NIBAN2: variants seen among roughly 807,000 people sequenced by gnomAD.
The protein encoded by NIBAN2 is protein Niban 2.
Under a neutral mutation model 81.8 loss-of-function variants are expected in NIBAN2, and 36 were observed. That is an observed-to-expected ratio of 0.44 (90% CI 0.34 to 0.58). The LOEUF is 0.58. Among genes scored for constraint, NIBAN2 ranks in the 20% least tolerant of loss-of-function variants. The pLI is 0.02. For missense variants in NIBAN2, 897 were observed against 1,014.1 expected, an observed-to-expected ratio of 0.88 and a Z score of 1.57; for synonymous variants, 445 against 441.6, an observed-to-expected ratio of 1.01 and a Z score of -0.10.
chr9:127,552,780 C>T (rs1837602732), intron 1 of NIBAN2, among the ~76,000 whole-genome samples: 1 of 149,152 alleles, frequency 6.7e-6, no homozygotes, highest in African/African-American at 2.5e-5. Context: ...CCTCTGCCTC[C>T]TGGGTTCAAG....
intron 1 of NIBAN2, among the ~76,000 whole-genome samples, chr9:127,555,707 C>T (rs539414168): frequency 6.6e-6 from 1 of 152,350 alleles, no homozygotes; most frequent in South Asian, 2.1e-4. Context: ...GTGTTTCCTC[C>T]TCTGTGACAG....
At chr9:127,549,471 CCACA>C (rs2132219286) in intron 1 of NIBAN2, among the ~76,000 whole-genome samples, 1 of 152,316 alleles carries the variant, frequency 6.6e-6, no homozygotes, top group South Asian at 2.1e-4. Flanking sequence ...ATGTGCATGC[CCACA>C]CACATGTACA....
intron 1 of NIBAN2, among the ~76,000 whole-genome samples, chr9:127,550,353 A>T (rs1837554166): frequency 6.6e-6 from 1 of 152,236 alleles, no homozygotes; most frequent in Non-Finnish European, 1.5e-5. Flanking sequence ...CCTAACTGCC[A>T]GCCTAGGGTG....
Position 127,577,854 on chromosome 9 carries a change from T to C in NIBAN2, c.16+1068A>G, listed in dbSNP as rs556809749. Among the ~76,000 whole-genome samples the C allele has an allele frequency of 5.3e-5, 8 of 152,102 alleles. No homozygotes were observed. In the South Asian group the frequency reaches 1.7e-3, roughly 32 times the overall value. On this transcript the variant is annotated intron_variant, in intron 1 of 13. Coordinates refer to the NIBAN2 transcript ENST00000373314. ...ACCCAGCCTCCTGAGTAGCTGGGACTACAGGCATGCACCACTACACCTGGC... is the reference window on the plus strand; with the variant it reads ...ACCCAGCCTCCTGAGTAGCTGGGACCACAGGCATGCACCACTACACCTGGC...
intron 3 of NIBAN2, among the ~76,000 whole-genome samples, chr9:127,526,167 C>T (rs1215791382): frequency 4.6e-5 from 7 of 151,846 alleles, no homozygotes; most frequent in Non-Finnish European, 1.0e-4. Flanking sequence ...TTTGGGAGGC[C>T]GAGGTGGGCA....
upstream of NIBAN2, among the ~76,000 whole-genome samples, chr9:127,570,291 G>A (rs533933206): frequency 1.1e-4 from 17 of 152,302 alleles, no homozygotes; most frequent in African/African-American, 4.1e-4. Context: ...TTAAAGTGAT[G>A]CAGGCATTCA....
intron 5 of NIBAN2, among the ~76,000 whole-genome samples, chr9:127,519,672 A>T (rs1161376205): frequency 2.0e-5 from 3 of 152,188 alleles, no homozygotes; most frequent in Non-Finnish European, 4.4e-5. Flanking sequence ...AGCTGCCTGG[A>T]TGGGGACGGG....
intron 1 of NIBAN2, among the ~76,000 whole-genome samples, chr9:127,554,639 C>A (rs530967878): frequency 1.4e-5 from 2 of 140,336 alleles, no homozygotes; most frequent in East Asian, 4.6e-4. Context: ...TGGCTCACTG[C>A]AATCTCAGCC....
intron 1 of NIBAN2, among the ~76,000 whole-genome samples, chr9:127,575,364 A>C (rs998879332): frequency 1.3e-5 from 2 of 149,130 alleles, no homozygotes; most frequent in Non-Finnish European, 3.0e-5. Context: ...AGTAGCTGGG[A>C]TTACAGGTTC....
chr9:127,543,957 C>T (rs113424243), intron 1 of NIBAN2, among the ~76,000 whole-genome samples: 20 of 152,326 alleles, frequency 1.3e-4, no homozygotes, highest in African/African-American at 4.3e-4. Context: ...CTCACTGGGA[C>T]GTACTGCCAA....
At chr9:127,525,204 C>T (rs117164254) in intron 3 of NIBAN2, 41 bp from the exon 4 acceptor site, 47 of 1,508,070 alleles carry the variant, frequency 3.1e-5, no homozygotes, top group Middle Eastern at 3.4e-4. Flanking sequence ...GGTTAAGGTG[C>T]GGCCAAGCCC....
intron 8 of NIBAN2, among the ~76,000 whole-genome samples, chr9:127,515,491 A>G (rs1836809915): frequency 7.2e-6 from 1 of 138,700 alleles, no homozygotes; most frequent in Admixed American, 8.0e-5. Flanking sequence ...ACTGCACTCC[A>G]GCCTGGGCGA....
At chr9:127,566,431 G>A (rs1055297747) in intron 1 of NIBAN2, among the ~76,000 whole-genome samples, 7 of 152,174 alleles carry the variant, frequency 4.6e-5, no homozygotes, top group African/African-American at 1.7e-4. Flanking sequence ...AGCCCCGTGG[G>A]GCTCCTGGTG....
At chr9:127,552,592 A>G (rs1286785026) in intron 1 of NIBAN2, among the ~76,000 whole-genome samples, 1 of 152,148 alleles carries the variant, frequency 6.6e-6, no homozygotes, top group Non-Finnish European at 1.5e-5. Context: ...CAAACAAACA[A>G]AAAAGAAAAA....
At position 127,508,469 on chromosome 9, in the gene NIBAN2, C is replaced by T. The variant is rs1836659437; in HGVS notation, c.1387G>A (p.Glu463Lys). Residue 463 changes from glutamate (E) to lysine (K), a missense_variant, in exon 11 of 14, where the codon GAG (glutamate) becomes AAG (lysine). Glu to Lys is a moderately conservative substitution (Grantham distance 56, BLOSUM62 1). Transcript: ENST00000373312. This position sits in a 1 kb window ranked among gnomAD's most constrained non-coding sequence, Gnocchi z 6.4. Reference protein sequence around the residue: ...HQELGKGPTKEELCKSIQRVL... With the variant: ...HQELGKGPTKKELCKSIQRVL... ...CGCTGGATGGACTTGCACAGCTCCT[C>T]CTTGGTGGGCCCCTTCCCCAGCTCC... is the stretch of plus-strand genomic sequence containing the variant. 1 of 1,613,722 alleles carries T rather than the reference C, an allele frequency of 6.2e-7. No individual in the cohort carries two copies. The highest frequency in any genetic ancestry group is 8.5e-7 in the Non-Finnish European group (1 of 1,180,006).
chr9:127,544,957 T>A (rs1450562957), intron 1 of NIBAN2, among the ~76,000 whole-genome samples: 3 of 152,202 alleles, frequency 2.0e-5, no homozygotes. Context: ...ATGGGGAAAC[T>A]GAGGCTGGGG....
At chr9:127,571,308 C>A (rs1051233526), upstream of NIBAN2, among the ~76,000 whole-genome samples, 11 of 150,176 alleles carry the variant, frequency 7.3e-5, no homozygotes, top group Admixed American at 2.6e-4. Flanking sequence ...ACTTGAGCAT[C>A]CAAAAGGTCT....
At chr9:127,566,508 C>T (rs1837861781) in intron 1 of NIBAN2, among the ~76,000 whole-genome samples, 1 of 152,208 alleles carries the variant, frequency 6.6e-6, no homozygotes, top group Admixed American at 6.5e-5. Context: ...GGCAGCAAAA[C>T]AGCACCGTGG....
intron 8 of NIBAN2, among the ~76,000 whole-genome samples, chr9:127,515,825 G>A (rs923980779): frequency 2.6e-5 from 4 of 151,448 alleles, no homozygotes; most frequent in African/African-American, 9.7e-5. Context: ...AACAGATCAA[G>A]ACTCCATCTC....
Sources: gnomAD v4.1 joint callset for allele counts (sites outside exome capture counted in the v4.1 genomes callset) on GRCh38, gnomAD v4.1.1 for gene constraint, Gnocchi (gnomAD v3.1) non-coding constraint, MANE v1.5 for transcripts, NCBI Gene and HGNC (gene_info 2026-07-23, HGNC 2026-07-21) for gene names.